The following ZFPM2 variants were observed in gnomAD, a reference collection of about 807,000 sequenced individuals.
The protein encoded by ZFPM2 is zinc finger protein ZFPM2.
A neutral mutation model predicts 98.6 loss-of-function variants in ZFPM2; 20 were observed. The ratio of observed to expected loss-of-function variants is 0.20; its 90% CI spans 0.14 to 0.29. ZFPM2 has a LOEUF of 0.29. ZFPM2 is among the 10% of genes least tolerant of loss of function. The pLI is 1.00. For missense variants in ZFPM2, 1,310 were observed against 1,388.6 expected (o/e 0.94, Z 0.90); for synonymous variants, 518 against 502.7 (o/e 1.03, Z -0.41).
intron 3 of ZFPM2, among the ~76,000 whole-genome samples, chr8:105,553,554 T>C (rs1296370812): frequency 1.3e-5 from 2 of 152,206 alleles, no homozygotes; most frequent in Non-Finnish European, 2.9e-5. Context: ...ACCACCATTA[T>C]GTTATCTTTT....
chr8:105,390,330 T>C (rs1187297037), intron 1 of ZFPM2, among the ~76,000 whole-genome samples: 5 of 152,210 alleles, frequency 3.3e-5, no homozygotes, highest in Admixed American at 3.3e-4. Context: ...GACAGTACTT[T>C]TATTTTAAAC....
At chr8:105,763,182 A>G (rs1190530112) in intron 5 of ZFPM2, among the ~76,000 whole-genome samples, 1 of 151,680 alleles carries the variant, frequency 6.6e-6, no homozygotes, top group East Asian at 1.9e-4. Context: ...AAAATTATGT[A>G]AGTCTCAAGA....
intron 4 of ZFPM2, among the ~76,000 whole-genome samples, chr8:105,626,561 AGTG>A (rs1389623418): frequency 1.3e-5 from 2 of 152,008 alleles, no homozygotes; most frequent in Non-Finnish European, 2.9e-5. Flanking sequence ...GGGGGTTGGC[AGTG>A]GTGGTGGTGT....
At chr8:105,328,140 A>T (rs1433936885) in intron 1 of ZFPM2, among the ~76,000 whole-genome samples, 8 of 151,844 alleles carry the variant, frequency 5.3e-5, no homozygotes, top group Non-Finnish European at 1.2e-4. Context: ...CCATACTTAC[A>T]TGATTAAAGT....
At chr8:105,441,515 G>A (rs189382438) in intron 2 of ZFPM2, among the ~76,000 whole-genome samples, 3 of 103,828 alleles carry the variant, frequency 2.9e-5, no homozygotes, top group African/African-American at 1.1e-4. Context: ...AAGCCCAGGG[G>A]CGCCCCGGTG....
At chr8:105,679,865 A>C (rs561224434) in intron 5 of ZFPM2, among the ~76,000 whole-genome samples, 2 of 152,216 alleles carry the variant, frequency 1.3e-5, no homozygotes, top group East Asian at 3.9e-4. Flanking sequence ...CTAAATGCAT[A>C]ATAGTTATTT....
Position 105,802,323 on chromosome 8 carries a change from T to C in ZFPM2, c.2241T>C (p.Pro747=). The change falls in exon 8 of 8, where the codon CCT becomes CCC. Residue 747 remains proline, a synonymous_variant. Transcript: ENST00000407775. ...GAAAGATGTATGAGATGTGCCTACC[T>C]GAGCAGGAACAAAGGCCTCCACTGG... ...KRRKMYEMCL[P]EQEQRPPLVQ... The C allele has an allele frequency of 3.1e-6, 5 of 1,613,818 alleles. No homozygotes were observed. The highest frequency in any genetic ancestry group is 4.2e-6 in the Non-Finnish European group (5 of 1,179,836).
rs1554594994 is a variant in ZFPM2 at position 105,330,585 on chromosome 8, T to TATATATAC, written c.40+11611_40+11612insCATATATA. Among the ~76,000 whole-genome samples, 59 of 52,392 alleles carry TATATATAC rather than the reference T, an allele frequency of 1.1e-3. 1 individual carries two copies. Among genetic ancestry groups the TATATATAC allele is most frequent in the Admixed American group, 5.1e-3 (24 of 4,716 alleles). The allele number at this position is 52,392 out of a possible 152,430, so 34.4% of individuals were successfully genotyped here. ...ATATATATACATATATATATACATA[T>TATATATAC]ATATATATACATATATATATATATA... On this transcript the variant is annotated intron_variant, in intron 1 of 7. Transcript: ENST00000407775.
chr8:105,708,686 C>T (rs1811316247), intron 5 of ZFPM2, among the ~76,000 whole-genome samples: 1 of 152,116 alleles, frequency 6.6e-6, no homozygotes, highest in Admixed American at 6.5e-5. Flanking sequence ...TCAAGCGGTC[C>T]ACCCGCCTCG....
At chr8:105,621,457 T>C (rs1816544301) in intron 4 of ZFPM2, among the ~76,000 whole-genome samples, 1 of 152,170 alleles carries the variant, frequency 6.6e-6, no homozygotes, top group Admixed American at 6.5e-5. Context: ...AAATATACAA[T>C]CATGTCATCT....
At chr8:105,786,368 G>A (rs1230148463) in intron 5 of ZFPM2, among the ~76,000 whole-genome samples, 1 of 152,194 alleles carries the variant, frequency 6.6e-6, no homozygotes, top group Non-Finnish European at 1.5e-5. Context: ...TTGCATATAT[G>A]TGTGTATTCT....
intron 4 of ZFPM2, among the ~76,000 whole-genome samples, chr8:105,569,386 A>T (rs1815308756): frequency 6.6e-6 from 1 of 152,126 alleles, no homozygotes; most frequent in African/African-American, 2.4e-5. Context: ...GAGGCTTTAC[A>T]TCCATGTCTG....
chr8:105,780,887 A>G (rs979083561), intron 5 of ZFPM2, among the ~76,000 whole-genome samples: 1 of 152,232 alleles, frequency 6.6e-6, no homozygotes, highest in African/African-American at 2.4e-5. Flanking sequence ...TCTCAAATAA[A>G]TAAAAGCTAT....
intron 1 of ZFPM2, among the ~76,000 whole-genome samples, chr8:105,361,426 T>G (rs988873602): frequency 6.6e-6 from 1 of 150,618 alleles, no homozygotes; most frequent in Admixed American, 6.6e-5. Context: ...GTAGGTTGCC[T>G]GTTCACTCTG....
At chr8:105,340,502 G>A (rs549702139) in intron 1 of ZFPM2, among the ~76,000 whole-genome samples, 1 of 151,990 alleles carries the variant, frequency 6.6e-6, no homozygotes, top group Admixed American at 6.6e-5. Context: ...TTTCTTGATT[G>A]TAGAATTCCT....
intron 5 of ZFPM2, among the ~76,000 whole-genome samples, chr8:105,753,959 A>T (rs1462807752): frequency 6.6e-6 from 1 of 152,160 alleles, no homozygotes; most frequent in Non-Finnish European, 1.5e-5. Context: ...ATTTAAAAAC[A>T]GTTATGTTTA....
chr8:105,363,833 A>G (rs1586318272), intron 1 of ZFPM2, among the ~76,000 whole-genome samples: 1 of 152,186 alleles, frequency 6.6e-6, no homozygotes, highest in Non-Finnish European at 1.5e-5. Flanking sequence ...AGATCTGAGC[A>G]TATAGGAAGA....
chr8:105,372,770 T>C (rs146025173), intron 1 of ZFPM2, among the ~76,000 whole-genome samples: 1 of 152,286 alleles, frequency 6.6e-6, no homozygotes, highest in East Asian at 1.9e-4. Flanking sequence ...TGTAGTCATG[T>C]AGAAAGGAAA....
intron 4 of ZFPM2, among the ~76,000 whole-genome samples, chr8:105,626,855 A>C (rs1387729094): frequency 1.3e-5 from 2 of 152,208 alleles, no homozygotes; most frequent in African/African-American, 4.8e-5. Context: ...CGGCATTGGC[A>C]TGAGATTCTC....
Sources: gnomAD v4.1 joint callset for allele counts (sites outside exome capture counted in the v4.1 genomes callset) on GRCh38, gnomAD v4.1.1 for gene constraint, MANE v1.5 for transcripts, NCBI Gene and HGNC (gene_info 2026-07-23, HGNC 2026-07-21) for gene names.